Variants in IQCJ observed in about 807,000 individuals in gnomAD.
IQCJ encodes the protein IQ motif containing J.
A neutral mutation model predicts 11.0 loss-of-function variants in IQCJ; 9 were observed. The ratio of observed to expected loss-of-function variants is 0.82; its 90% CI spans 0.49 to 1.43. The LOEUF is 1.43. Among genes scored for constraint, IQCJ ranks in the 40% most tolerant of loss-of-function variants. The pLI, the probability that IQCJ is intolerant of heterozygous loss-of-function variation, is 0.00. For missense variants in IQCJ, 146 were observed against 133.2 expected, an observed-to-expected ratio of 1.10 and a Z score of -0.47; for synonymous variants, 55 against 51.3, an observed-to-expected ratio of 1.07 and a Z score of -0.31.
Position 159,166,609 on chromosome 3 carries a change from A to T in IQCJ, c.10-79234A>T, listed in dbSNP as rs116222399. Among the ~76,000 whole-genome samples the T allele has an allele frequency of 8.2e-3, 1,248 of 152,294 alleles. 16 individuals carry two copies. The highest frequency in any genetic ancestry group is 0.028 in the African/African-American group (1,167 of 41,538). ...AAAGAACTAGCTCAAGAATTTGGGG[A>T]TATTACCCTTTCTAGCACCAAGTGC... On this transcript the variant is annotated intron_variant, in intron 1 of 3. Coordinates refer to ENST00000397832, the MANE Select transcript of IQCJ (RefSeq NM_001042706.3).
chr3:159,192,091 G>T (rs1723723847), intron 1 of IQCJ, among the ~76,000 whole-genome samples: 1 of 152,184 alleles, frequency 6.6e-6, no homozygotes, highest in Admixed American at 6.5e-5. Context: ...TCTTAGAAAA[G>T]TTCATGCATG....
chr3:159,201,657 C>T lies in IQCJ; in HGVS notation c.10-44186C>T, dbSNP rs796866235. On this transcript the variant is annotated intron_variant, in intron 1 of 3. Coordinates refer to ENST00000397832, the MANE Select transcript of IQCJ (RefSeq NM_001042706.3). ...TTTTTTTTTTTTTTTTTTTTTGAGA[C>T]GGAGTCTCGCTCTGTCGCCCAGGCT... Among the ~76,000 whole-genome samples, 237 of 69,280 alleles carry T rather than the reference C, an allele frequency of 3.4e-3. 2 individuals are homozygous for T. Among genetic ancestry groups the T allele is most frequent in the Middle Eastern group, 0.029 (2 of 68 alleles). The allele number at this position is 69,280 out of a possible 152,430, so 45.5% of individuals were successfully genotyped here.
chr3:159,085,073 C>G (rs1223916460), intron 1 of IQCJ, among the ~76,000 whole-genome samples: 2 of 152,066 alleles, frequency 1.3e-5, no homozygotes, highest in East Asian at 1.9e-4. Context: ...CCCTCTCCCC[C>G]CACCCCACAA....
chr3:159,256,839 C>T (rs1727924811), intron 3 of IQCJ, among the ~76,000 whole-genome samples: 1 of 152,252 alleles, frequency 6.6e-6, no homozygotes, highest in South Asian at 2.1e-4. Flanking sequence ...TTGATATGTC[C>T]TTTCCTTAAG....
intron 1 of IQCJ, among the ~76,000 whole-genome samples, chr3:159,140,581 G>A (rs1166108776): frequency 2.0e-5 from 3 of 152,170 alleles, no homozygotes; most frequent in African/African-American, 7.2e-5. Flanking sequence ...GAGCAAACAA[G>A]GAACATGAAA....
rs143807977 is a variant in IQCJ, at chr3:159,192,727, A to G, written c.10-53116A>G. On this transcript the variant is annotated intron_variant, in intron 1 of 3. Coordinates refer to ENST00000397832, the MANE Select transcript of IQCJ (RefSeq NM_001042706.3). ...TGGCCATTGCCTGGCGTCTGGGGAA[A>G]TGTGTGTCTTGGTCCTGAAGGGTGG... Among the ~76,000 whole-genome samples, 1,255 of 152,284 alleles carry G rather than the reference A, an allele frequency of 8.2e-3. 7 individuals are homozygous for G. The highest frequency in any genetic ancestry group is 0.012 in the Non-Finnish European group (811 of 68,014).
chr3:159,163,145 C>T (rs1459254833), intron 1 of IQCJ, among the ~76,000 whole-genome samples: 2 of 152,176 alleles, frequency 1.3e-5, no homozygotes, highest in Non-Finnish European at 2.9e-5. Context: ...GACCAATATC[C>T]TTGATGAACA....
chr3:159,129,455 A>C (rs1056654875), intron 1 of IQCJ, among the ~76,000 whole-genome samples: 9 of 152,156 alleles, frequency 5.9e-5, no homozygotes. Context: ...AGCTTGTGGC[A>C]CAAGTTGACT....
At chr3:159,190,287 A>G (rs73877533) in intron 1 of IQCJ, among the ~76,000 whole-genome samples, 15,049 of 152,182 alleles carry the variant, frequency 0.099, 2,505 homozygotes, top group African/African-American at 0.35. Flanking sequence ...AAAAACAGCC[A>G]TCTGTCTCAC....
intron 1 of IQCJ, among the ~76,000 whole-genome samples, chr3:159,089,998 G>C (rs976705908): frequency 6.6e-6 from 1 of 151,756 alleles, no homozygotes; most frequent in Non-Finnish European, 1.5e-5. Context: ...GAGGTGCTCT[G>C]CTTTTTAGAG....
At chr3:159,250,603 C>G (rs1313278305) in intron 2 of IQCJ, among the ~76,000 whole-genome samples, 1 of 152,140 alleles carries the variant, frequency 6.6e-6, no homozygotes, top group African/African-American at 2.4e-5. Flanking sequence ...CACAGGGCAG[C>G]AGGAGAGAGA....
chr3:159,153,076 T>C (rs187854011), intron 1 of IQCJ, among the ~76,000 whole-genome samples: 5 of 152,058 alleles, frequency 3.3e-5, no homozygotes, highest in Admixed American at 3.3e-4. Context: ...CAGAGAAGTA[T>C]ATAATATATT....
Position 159,094,299 on chromosome 3 carries a change from G to A in IQCJ, c.9+24858G>A, listed in dbSNP as rs777030526. 6.1e-4 allele frequency among the ~76,000 whole-genome samples: 93 copies of A among 151,454 alleles called. 1 individual carries two copies. The highest frequency in any genetic ancestry group is 1.3e-3 in the Non-Finnish European group (89 of 67,982). ...GATATTACAGATATTGTAGAAACCA[G>A]ATATTAGATAGCAGAGATTTGATAT... On this transcript the variant is annotated intron_variant, in intron 1 of 3. Transcript: ENST00000397832.
intron 1 of IQCJ, among the ~76,000 whole-genome samples, chr3:159,103,316 T>C (rs1260045387): frequency 2.6e-5 from 4 of 152,234 alleles, no homozygotes; most frequent in African/African-American, 9.6e-5. Flanking sequence ...GAGAATTACT[T>C]CTTTTGTAGG....
intron 1 of IQCJ, among the ~76,000 whole-genome samples, chr3:159,094,768 G>A (rs1472441198): frequency 1.3e-5 from 2 of 151,854 alleles, no homozygotes; most frequent in Admixed American, 1.3e-4. Flanking sequence ...TTGGGAAATA[G>A]GACTTGACCT....
intron 1 of IQCJ, among the ~76,000 whole-genome samples, chr3:159,080,813 G>A (rs1366233651): frequency 6.6e-6 from 1 of 152,098 alleles, no homozygotes; most frequent in Non-Finnish European, 1.5e-5. Flanking sequence ...TCGGGAGTCT[G>A]TGTTCTTTAT....
chr3:159,245,871 T>C lies in IQCJ; in HGVS notation c.38T>C (p.Leu13Pro), dbSNP rs1727241990. 6.5e-7 allele frequency: 1 copy of C among 1,546,312 alleles called. No homozygotes were observed. The highest frequency in any genetic ancestry group is 1.4e-5 in the African/African-American group (1 of 73,444). The change falls in exon 2 of 4, where the codon CTA becomes CCA. Residue 13 changes from leucine to proline, a missense_variant. By Grantham distance (98) the Leu-to-Pro change is moderately conservative. Transcript: ENST00000397832. ...GAACTGAAAAGATTGCAGAATCCTC[T>C]AGAACAAGTTAATGATGGAAAATAT... ...LEELKRLQNP[L>P]EQVNDGKYSF...
chr3:159,157,252 T>A (rs142658410), intron 1 of IQCJ, among the ~76,000 whole-genome samples: 12 of 152,276 alleles, frequency 7.9e-5, no homozygotes, highest in African/African-American at 2.9e-4. Flanking sequence ...TCTGTGGACA[T>A]CTCCTCACAA....
At chr3:159,104,306 C>T (rs1348768615) in intron 1 of IQCJ, among the ~76,000 whole-genome samples, 2 of 152,228 alleles carry the variant, frequency 1.3e-5, no homozygotes, top group African/African-American at 4.8e-5. Context: ...CAAGGTCCCT[C>T]TCTTGTGAGT....
Sources: allele counts gnomAD v4.1 joint callset (sites outside exome capture counted in the v4.1 genomes callset), GRCh38; gene constraint gnomAD v4.1.1; transcripts MANE v1.5; gene names NCBI Gene and HGNC (gene_info 2026-07-23, HGNC 2026-07-21).